Variants in GABRG3 observed in about 807,000 individuals in gnomAD.
GABRG3 encodes gamma-aminobutyric acid receptor subunit gamma-3.
In GABRG3, 25 loss-of-function variants were observed where a neutral mutation model predicts 48.8. That is an observed-to-expected ratio of 0.51 (90% confidence interval 0.37 to 0.72). The LOEUF (loss-of-function observed/expected upper bound fraction) is 0.72. Ranked by LOEUF, GABRG3 falls within the 30% of genes least tolerant of loss-of-function variation. The probability of loss-of-function intolerance (pLI) is 0.00; values close to 1 mark genes in which losing one functional copy is unlikely to be tolerated. For synonymous variants in GABRG3, 227 were observed against 217.6 expected (o/e 1.04, Z -0.38); for missense variants, 394 against 577.9 (o/e 0.68, Z 3.26).
At chr15:27,226,741 C>A (rs1889633088) in intron 3 of GABRG3, among the ~76,000 whole-genome samples, 2 of 152,188 alleles carry the variant, frequency 1.3e-5, no homozygotes, top group South Asian at 4.1e-4. Flanking sequence ...ACCAGCAGAT[C>A]CCCCTCTGGC....
chr15:27,137,872 G>A (rs1416443468), intron 3 of GABRG3, among the ~76,000 whole-genome samples: 1 of 152,160 alleles, frequency 6.6e-6, no homozygotes, highest in Non-Finnish European at 1.5e-5. Flanking sequence ...TTTAAGGTAA[G>A]TAAAGGTTTT....
At chr15:26,989,856 C>A (rs570838573) in intron 2 of GABRG3, among the ~76,000 whole-genome samples, 42 of 152,238 alleles carry the variant, frequency 2.8e-4, no homozygotes, top group African/African-American at 1.0e-3. Context: ...GATTTTAGAT[C>A]CCACAAATAA....
At position 26,971,553 on chromosome 15, in the gene GABRG3, G is replaced by GCTC. The variant is rs1566896094; in HGVS notation, c.25_27dup (p.Leu9dup). 2 of 1,531,028 alleles carry GCTC rather than the reference G, an allele frequency of 1.3e-6. No individual in the cohort carries two copies. The highest frequency in any genetic ancestry group is 1.8e-6 in the Non-Finnish European group (2 of 1,139,500). The allele number at this position is 1,531,028 out of a possible 1,614,324, so 94.8% of individuals were successfully genotyped here. A position where few individuals can be genotyped will look rare whatever the true frequency, so the allele number is the denominator to read the frequency against. ...ACGGCACCATGGCCCCGAAGCTGCT[G>GCTC]CTCCTCCTCTGCCTGTTCTCGGGCT... On this transcript the variant is annotated inframe_insertion, in exon 1 of 10. Coordinates refer to ENST00000615808, the MANE Select transcript of GABRG3 (RefSeq NM_033223.5).
chr15:27,318,281 C>G (rs565709614), intron 3 of GABRG3, among the ~76,000 whole-genome samples: 1 of 152,096 alleles, frequency 6.6e-6, no homozygotes, highest in Non-Finnish European at 1.5e-5. Flanking sequence ...TTTTTTTTCT[C>G]CTTCCACTAT....
chr15:27,437,550 G>A (rs1219580860), intron 5 of GABRG3, among the ~76,000 whole-genome samples: 2 of 151,934 alleles, frequency 1.3e-5, no homozygotes, highest in Non-Finnish European at 2.9e-5. Context: ...CTGCATATAC[G>A]TATAGAGCAC....
At chr15:27,329,470 G>A (rs189064219) in intron 5 of GABRG3, among the ~76,000 whole-genome samples, 1 of 152,106 alleles carries the variant, frequency 6.6e-6, no homozygotes, top group Admixed American at 6.5e-5. Context: ...TCACCATGTT[G>A]GTCAGGCTAG....
chr15:27,432,774 T>C (rs1888494847), intron 5 of GABRG3, among the ~76,000 whole-genome samples: 1 of 152,214 alleles, frequency 6.6e-6, no homozygotes, highest in African/African-American at 2.4e-5. Context: ...ATTTTGCTAT[T>C]GGCATCAAGA....
intron 5 of GABRG3, among the ~76,000 whole-genome samples, chr15:27,395,317 C>T (rs928653195): frequency 3.3e-5 from 5 of 152,138 alleles, no homozygotes; most frequent in East Asian, 1.9e-4. Flanking sequence ...GGTCCTTGTA[C>T]GTAATTTCTA....
chr15:27,505,302 T>G (rs1890735910), intron 6 of GABRG3, among the ~76,000 whole-genome samples: 1 of 152,188 alleles, frequency 6.6e-6, no homozygotes, highest in Non-Finnish European at 1.5e-5. Flanking sequence ...TTAACCTTGA[T>G]CACTTGGTTA....
intron 3 of GABRG3, among the ~76,000 whole-genome samples, chr15:27,120,127 A>T (rs2140375787): frequency 6.6e-6 from 1 of 152,330 alleles, no homozygotes; most frequent in East Asian, 1.9e-4. Flanking sequence ...ATGTCAGGAA[A>T]TTTCATATTA....
chr15:27,430,569 T>A (rs1888418564), intron 5 of GABRG3, among the ~76,000 whole-genome samples: 1 of 152,216 alleles, frequency 6.6e-6, no homozygotes, highest in African/African-American at 2.4e-5. Flanking sequence ...TGAATTAATT[T>A]TTGTATATGA....
At chr15:27,312,668 A>C (rs1893035254) in intron 3 of GABRG3, among the ~76,000 whole-genome samples, 1 of 152,128 alleles carries the variant, frequency 6.6e-6, no homozygotes, top group African/African-American at 2.4e-5. Context: ...GGAAACCAAG[A>C]ATACTGTGCC....
At chr15:27,400,677 T>G (rs1185667525) in intron 5 of GABRG3, among the ~76,000 whole-genome samples, 2 of 152,238 alleles carry the variant, frequency 1.3e-5, no homozygotes, top group African/African-American at 4.8e-5. Flanking sequence ...GCAGATTTTG[T>G]GCTTTTTCAA....
At chr15:27,367,890 GT>G (rs1895264477) in intron 5 of GABRG3, among the ~76,000 whole-genome samples, 1 of 152,148 alleles carries the variant, frequency 6.6e-6, no homozygotes, top group Admixed American at 6.5e-5. Flanking sequence ...GATAAGGTGT[GT>G]TTTCACAGAA....
chr15:27,200,113 AAG>A (rs892198753), intron 3 of GABRG3, among the ~76,000 whole-genome samples: 1 of 152,172 alleles, frequency 6.6e-6, no homozygotes, highest in African/African-American at 2.4e-5. Flanking sequence ...TCCAAACAAA[AAG>A]TAAAACAAAG....
chr15:27,189,336 G>A (rs1489758325), intron 3 of GABRG3, among the ~76,000 whole-genome samples: 6 of 151,928 alleles, frequency 3.9e-5, no homozygotes, highest in East Asian at 1.9e-4. Context: ...CCATTTTCAC[G>A]ATATTGATTC....
At position 27,208,321 on chromosome 15, in the gene GABRG3, T is replaced by C. The variant is rs548764118; in HGVS notation, c.271-118488T>C. Reference sequence around the variant, plus strand: ...GAGCCAAGGCCTGGTCAGTGAAGTCTGTAGCCCTTTCAAAGTAGGTGCTGA... The same window carrying C: ...GAGCCAAGGCCTGGTCAGTGAAGTCCGTAGCCCTTTCAAAGTAGGTGCTGA... On this transcript the variant is annotated intron_variant, in intron 3 of 9. Coordinates refer to ENST00000615808, the MANE Select transcript of GABRG3 (RefSeq NM_033223.5). 8 of 220,716 alleles carry C rather than the reference T, an allele frequency of 3.6e-5. No individual in the cohort carries two copies. In the East Asian group the frequency reaches 9.1e-4, roughly 25 times the overall value. The allele number at this position is 220,716 out of a possible 1,614,324, so 13.7% of individuals were successfully genotyped here.
rs1053747114 is a variant in GABRG3 at position 27,180,360 on chromosome 15, A to G, written c.271-146449A>G. Among the ~76,000 whole-genome samples, 2 of 152,212 alleles carry G rather than the reference A, an allele frequency of 1.3e-5. No homozygotes were observed. Among genetic ancestry groups the G allele is most frequent in the African/African-American group, 4.8e-5 (2 of 41,450 alleles). ...GAGATTGAACAAGAAGAGCAACTGT[A>G]GAATTCTTCAGGTTATGACTGCCAT... On this transcript the variant is annotated intron_variant, in intron 3 of 9. Transcript: ENST00000615808. This position sits in a 1 kb window ranked among gnomAD's most constrained non-coding sequence, Gnocchi z 4.2.
chr15:27,403,487 C>G (rs1383656839), intron 5 of GABRG3, among the ~76,000 whole-genome samples: 1 of 152,042 alleles, frequency 6.6e-6, no homozygotes, highest in African/African-American at 2.4e-5. Flanking sequence ...AAAACCAGAC[C>G]CAACAGAAAA....
Sources: gnomAD v4.1 joint callset for allele counts (sites outside exome capture counted in the v4.1 genomes callset) on GRCh38, gnomAD v4.1.1 for gene constraint, Gnocchi (gnomAD v3.1) non-coding constraint, MANE v1.5 for transcripts, NCBI Gene and HGNC (gene_info 2026-07-23, HGNC 2026-07-21) for gene names.